Variants in TMEM132D observed in about 807,000 individuals in gnomAD.
TMEM132D encodes the protein mature OL transmembrane protein.
In TMEM132D, 21 loss-of-function variants were observed where a neutral mutation model predicts 62.3. That is an observed-to-expected ratio of 0.34 (90% CI 0.24 to 0.49). The LOEUF (loss-of-function observed/expected upper bound fraction) is 0.49. Ranked by LOEUF, TMEM132D falls within the 20% of genes least tolerant of loss-of-function variation. TMEM132D has a pLI of 0.99. For missense variants in TMEM132D, 1,346 were observed against 1,402.8 expected, an observed-to-expected ratio of 0.96 and a Z score of 0.65; for synonymous variants, 621 against 575.6, an observed-to-expected ratio of 1.08 and a Z score of -1.13.
chr12:129,087,999 GTGTCCTC>G (rs1874698766), intron 5 of TMEM132D, among the ~76,000 whole-genome samples: 2 of 80,070 alleles, frequency 2.5e-5, no homozygotes, highest in African/African-American at 8.9e-5. Flanking sequence ...CATGACCGGG[GTGTCCTC>G]CATGACCGGG....
chr12:129,733,799 T>C (rs1406770388), intron 1 of TMEM132D, among the ~76,000 whole-genome samples: 1 of 151,968 alleles, frequency 6.6e-6, no homozygotes, highest in African/African-American at 2.4e-5. Context: ...GGGCAGGTGA[T>C]GAGGAAGGGC....
intron 4 of TMEM132D, among the ~76,000 whole-genome samples, chr12:129,249,771 C>T (rs796650493): frequency 2.0e-5 from 3 of 152,094 alleles, no homozygotes; most frequent in South Asian, 4.1e-4. Context: ...CTCACAGAAT[C>T]GCTGTGAACA....
chr12:129,186,765 TA>T (rs1287061355), intron 5 of TMEM132D, among the ~76,000 whole-genome samples: 1 of 152,246 alleles, frequency 6.6e-6, no homozygotes, highest in East Asian at 1.9e-4. Flanking sequence ...GCAGGAGATT[TA>T]GCATTGTAAT....
intron 2 of TMEM132D, among the ~76,000 whole-genome samples, chr12:129,677,780 C>T (rs923639105): frequency 1.3e-5 from 2 of 151,924 alleles, no homozygotes; most frequent in Admixed American, 1.3e-4. Context: ...CCCAGTAACA[C>T]CCTTCATCCT....
chr12:129,118,748 C>T (rs1875970675), intron 5 of TMEM132D, among the ~76,000 whole-genome samples: 1 of 152,176 alleles, frequency 6.6e-6, no homozygotes. Flanking sequence ...CCATTCCAGG[C>T]AAGAGTCCAA....
chr12:129,330,703 A>G (rs950061726), intron 4 of TMEM132D, among the ~76,000 whole-genome samples: 3 of 152,244 alleles, frequency 2.0e-5, no homozygotes, highest in African/African-American at 7.2e-5. Context: ...CCCACCAGCA[A>G]GAAGGTCTTC....
At chr12:129,551,858 CCT>C (rs2137106325) in intron 2 of TMEM132D, among the ~76,000 whole-genome samples, 1 of 152,226 alleles carries the variant, frequency 6.6e-6, no homozygotes, top group African/African-American at 2.4e-5. Flanking sequence ...ATTATCATCC[CCT>C]GATATTAAAA....
intron 3 of TMEM132D, among the ~76,000 whole-genome samples, chr12:129,459,227 T>C (rs1372871907): frequency 1.3e-5 from 2 of 152,156 alleles, no homozygotes; most frequent in Non-Finnish European, 2.9e-5. Flanking sequence ...CGCTGGACTT[T>C]CATGAGAGGA....
At chr12:129,730,592 A>C (rs899755364) in intron 1 of TMEM132D, among the ~76,000 whole-genome samples, 3 of 152,064 alleles carry the variant, frequency 2.0e-5, no homozygotes, top group African/African-American at 7.3e-5. Context: ...ACTTGATTGA[A>C]CTGAAGGATG....
chr12:129,838,193 A>T (rs959809813), intron 1 of TMEM132D, among the ~76,000 whole-genome samples: 4 of 152,218 alleles, frequency 2.6e-5, no homozygotes, highest in Non-Finnish European at 5.9e-5. Context: ...GCCACAGGTG[A>T]GCTGCTGTTA....
Position 129,903,445 on chromosome 12 carries a change from C to G in TMEM132D, c.-106G>C. The G allele has an allele frequency of 7.9e-7, 1 of 1,267,884 alleles. No homozygotes were observed. The highest frequency in any genetic ancestry group is 1.1e-6 in the Non-Finnish European group (1 of 903,874). The allele number at this position is 1,267,884 out of a possible 1,614,324, so 78.5% of individuals were successfully genotyped here. A position where few individuals can be genotyped will look rare whatever the true frequency, so the allele number is the denominator to read the frequency against. On this transcript the variant is annotated 5_prime_UTR_variant, in exon 1 of 9. Coordinates refer to ENST00000422113, the MANE Select transcript of TMEM132D (RefSeq NM_133448.3). This position sits in a 1 kb window ranked among gnomAD's most constrained non-coding sequence, Gnocchi z 6.2. ...CGCAGCGGGGCCGGTGGCGAGGGAG[C>G]GCCCGGCTAGGGGCCCGAGCAGCCC...
At chr12:129,161,777 G>A (rs901202817) in intron 5 of TMEM132D, among the ~76,000 whole-genome samples, 9 of 152,156 alleles carry the variant, frequency 5.9e-5, no homozygotes, top group Non-Finnish European at 1.2e-4. Context: ...AATATAGTGT[G>A]GGCAGGCACC....
intron 5 of TMEM132D, among the ~76,000 whole-genome samples, chr12:129,143,662 T>C (rs562653937): frequency 5.9e-5 from 9 of 152,144 alleles, no homozygotes; most frequent in African/African-American, 2.2e-4. Flanking sequence ...TAAAAACCAA[T>C]ACATGTATGG....
chr12:129,877,598 C>A (rs745981087), intron 1 of TMEM132D, among the ~76,000 whole-genome samples: 10 of 147,006 alleles, frequency 6.8e-5, no homozygotes, highest in Non-Finnish European at 9.0e-5. Flanking sequence ...ACCTATTAAC[C>A]AAACGCGCGC....
At chr12:129,603,380 C>T (rs916838376) in intron 2 of TMEM132D, among the ~76,000 whole-genome samples, 4 of 152,204 alleles carry the variant, frequency 2.6e-5, no homozygotes, top group African/African-American at 9.7e-5. Context: ...AAATGTTCTA[C>T]AGTTGAAATC....
At chr12:129,662,452 C>CT (rs943740112) in intron 2 of TMEM132D, among the ~76,000 whole-genome samples, 4 of 152,082 alleles carry the variant, frequency 2.6e-5, no homozygotes, top group African/African-American at 9.7e-5. Context: ...ATAATCCTGG[C>CT]TTTTTTTGGC....
At chr12:129,842,341 A>G (rs1873224565) in intron 1 of TMEM132D, among the ~76,000 whole-genome samples, 1 of 151,980 alleles carries the variant, frequency 6.6e-6, no homozygotes, top group Admixed American at 6.5e-5. Flanking sequence ...AGACACAGAG[A>G]TTTCAGGTGG....
At chr12:129,332,842 G>A (rs925914882) in intron 4 of TMEM132D, among the ~76,000 whole-genome samples, 1 of 152,152 alleles carries the variant, frequency 6.6e-6, no homozygotes, top group East Asian at 1.9e-4. Context: ...ATAGAAATGT[G>A]GTTACCGGTG....
intron 1 of TMEM132D, among the ~76,000 whole-genome samples, chr12:129,826,743 A>G (rs1280168864): frequency 6.6e-6 from 1 of 152,178 alleles, no homozygotes; most frequent in Non-Finnish European, 1.5e-5. Flanking sequence ...GTAACCAGGT[A>G]CGAATGGACT....
Sources: allele counts gnomAD v4.1 joint callset (sites outside exome capture counted in the v4.1 genomes callset), GRCh38; gene constraint gnomAD v4.1.1; non-coding constraint Gnocchi (gnomAD v3.1); transcripts MANE v1.5; gene names NCBI Gene and HGNC (gene_info 2026-07-23, HGNC 2026-07-21).